Variants in ITGB4 observed in about 807,000 individuals in gnomAD.
ITGB4 encodes the protein integrin beta-4.
Under a neutral mutation model 207.6 loss-of-function variants are expected in ITGB4, and 159 were observed. The observed-to-expected ratio is 0.77, with a 90% CI of 0.67 to 0.87. ITGB4 has a LOEUF of 0.87. ITGB4 is among the 40% of genes least tolerant of loss of function. The pLI is 0.00. For synonymous variants in ITGB4, 1,020 were observed against 1,062.7 expected, an observed-to-expected ratio of 0.96 and a Z score of 0.78; for missense variants, 2,278 against 2,546.8, an observed-to-expected ratio of 0.89 and a Z score of 2.27.
intron 25 of ITGB4, 140 bp from the exon 26 acceptor site, chr17:75,743,573 G>A: frequency 8.8e-7 from 1 of 1,142,798 alleles, no homozygotes. Context: ...TCGCTCCTGT[G>A]CCCTTCCCAG....
At chr17:75,749,089 G>T in intron 27 of ITGB4, 44 bp downstream of exon 27, 1 of 1,504,600 alleles carries the variant, frequency 6.6e-7, no homozygotes, top group South Asian at 1.1e-5. Flanking sequence ...GGAGAGGGAA[G>T]ACTGGGGGGT....
intron 38 of ITGB4, 23 bp downstream of exon 38, chr17:75,757,130 AC>A: frequency 6.2e-7 from 1 of 1,609,250 alleles, no homozygotes; most frequent in Non-Finnish European, 8.5e-7. Context: ...CCTTTCCTTC[AC>A]CCCCACCCCT....
Position 75,753,993 on chromosome 17 carries a change from G to A in ITGB4, c.4318+19G>A. 2 of 1,103,344 alleles carry A rather than the reference G, an allele frequency of 1.8e-6. No homozygotes were observed. The highest frequency in any genetic ancestry group is 2.3e-6 in the Non-Finnish European group (2 of 865,886). 68.3% of individuals were successfully genotyped at this position (1,103,344 alleles called of 1,614,324 possible). ...CCCGGAGGTGACAGGCTCACCCGCC[G>A]CCCCCCGATCCGCGCCCACCCAGCC... On this transcript the variant is annotated intron_variant, in intron 33 of 39. Coordinates refer to ENST00000200181, the MANE Select transcript of ITGB4 (RefSeq NM_000213.5).
chr17:75,737,341 C>T lies in ITGB4; in HGVS notation c.2010C>T (p.Arg670=). The T allele has an allele frequency of 6.3e-7, 1 of 1,592,544 alleles. No individual in the cohort carries two copies. Among genetic ancestry groups the T allele is most frequent in the Non-Finnish European group, 8.5e-7 (1 of 1,170,046 alleles). ...ELKRAEEVVV[R]CSFRDEDDDC... The stretch of plus-strand genomic sequence containing the variant: ...GTACAGCCGAGGAGGTGGTGGTGCG[C>T]TGCTCCTTCCGGGACGAGGATGACG... Residue 670 remains arginine, a synonymous_variant, in exon 17 of 40, where the codon CGC becomes CGT. Coordinates refer to ENST00000200181, the MANE Select transcript of ITGB4 (RefSeq NM_000213.5).
intron 26 of ITGB4, 102 bp downstream of exon 26, chr17:75,743,963 T>G (rs1002080251): frequency 1.6e-5 from 21 of 1,317,768 alleles, no homozygotes; most frequent in Non-Finnish European, 2.2e-5. Flanking sequence ...CTTGAGTCCC[T>G]GGATACTGGC....
chr17:75,752,079 A>G (rs1236232191), intron 30 of ITGB4, 95 bp from the exon 31 acceptor site: 2 of 1,360,796 alleles, frequency 1.5e-6, no homozygotes, highest in Non-Finnish European at 2.1e-6. Context: ...CCTGGGTGCC[A>G]TCCAGGGGAT....
Position 75,732,230 on chromosome 17 carries a change from G to A in ITGB4, c.1445G>A (p.Ser482Asn). The change falls in exon 12 of 40, where the codon AGC (serine) becomes AAC (asparagine). Residue 482 changes from serine to asparagine, a missense_variant. By Grantham distance (46) the Ser-to-Asn change is conservative (BLOSUM62 1). Transcript: ENST00000200181. The surrounding 1 kb of genome is among the most constrained non-coding windows in gnomAD (Gnocchi z 5.3). ...TTCGTGTGCGGACAGTGTGTGTGCA[G>A]CGAGGGCTGGTGAGTGGGGAAGGGA... ...GDFVCGQCVC[S>N]EGWSGQTCNC... 6.2e-7 allele frequency: 1 copy of A among 1,614,018 alleles called. No homozygotes were observed. The highest frequency in any genetic ancestry group is 8.5e-7 in the Non-Finnish European group (1 of 1,180,012).
Position 75,742,144 on chromosome 17 carries a change from C to T in ITGB4, c.2634-197C>T, listed in dbSNP as rs1206200428. On this transcript the variant is annotated intron_variant, in intron 23 of 39. Transcript: ENST00000200181. This position sits in a 1 kb window ranked among gnomAD's most constrained non-coding sequence, Gnocchi z 5.9. ...GAGGAGGACGCTGAGGACAGGGAGG[C>T]GCCATGGCTGGGCTGAGGCTGCAGG... is the stretch of plus-strand genomic sequence containing the variant. 2.6e-5 allele frequency among the ~76,000 whole-genome samples: 4 copies of T among 152,332 alleles called. No homozygotes were observed. The highest frequency in any genetic ancestry group is 2.1e-4 in the South Asian group (1 of 4,828).
At chr17:75,756,276 A>G (rs983780147) in intron 35 of ITGB4, among the ~76,000 whole-genome samples, 153 bp from the exon 36 acceptor site, 2 of 152,100 alleles carry the variant, frequency 1.3e-5, no homozygotes, top group African/African-American at 4.8e-5. Context: ...CTGAACAACC[A>G]GCCATACCAT....
rs1278895406 is a variant in ITGB4, at chr17:75,732,338, C to G, written c.1454+99C>G. ...CTGGCCCTGGGTGCACCTTGTACAC[C>G]TGGCTGGGGGTGGGGCGGCAATCAA... On this transcript the variant is annotated intron_variant, in intron 12 of 39. Transcript: ENST00000200181. This position sits in a 1 kb window ranked among gnomAD's most constrained non-coding sequence, Gnocchi z 5.3. The G allele has an allele frequency of 1.7e-6, 2 of 1,190,812 alleles. No individual in the cohort carries two copies. The highest frequency in any genetic ancestry group is 1.5e-5 in the African/African-American group (1 of 66,890). 73.8% of individuals were successfully genotyped at this position (1,190,812 alleles called of 1,614,324 possible).
chr17:75,752,098 G>A (rs866623786), intron 30 of ITGB4, 76 bp from the exon 31 acceptor site: 132 of 1,495,644 alleles, frequency 8.8e-5, no homozygotes, highest in African/African-American at 5.1e-4. Flanking sequence ...ATGCACGGCC[G>A]TCCTGCTGTG....
intron 25 of ITGB4, 138 bp from the exon 26 acceptor site, chr17:75,743,575 C>A: frequency 8.5e-7 from 1 of 1,170,272 alleles, no homozygotes; most frequent in Non-Finnish European, 1.3e-6. Context: ...GCTCCTGTGC[C>A]CTTCCCAGAG....
In ITGB4 at chr17:75,752,485, G is replaced by A. The variant is rs2061391295; in HGVS notation, c.4016G>A (p.Ser1339Asn). The change falls in exon 32 of 40, where the codon AGC (serine) becomes AAC (asparagine). Residue 1339 changes from serine (S) to asparagine (N), a missense_variant. Coordinates refer to ENST00000200181, the MANE Select transcript of ITGB4 (RefSeq NM_000213.5). ...GACATCCCTATCGTGGACGCCCAGA[G>A]CGGGGAGGACTACGACAGCTTCCTT... The part of the protein sequence containing the change: ...IPDIPIVDAQ[S>N]GEDYDSFLMY... 17 of 1,613,676 alleles carry A rather than the reference G, an allele frequency of 1.1e-5. 1 individual carries two copies. The South Asian group carries it at 1.8e-4, about 17-fold the overall frequency.
chr17:75,739,286 C>A lies in ITGB4; in HGVS notation c.2221-386C>A, dbSNP rs1205631559. Among the ~76,000 whole-genome samples the A allele has an allele frequency of 1.3e-5, 2 of 150,918 alleles. No homozygotes were observed. The highest frequency in any genetic ancestry group is 3.9e-4 in the East Asian group (2 of 5,174). The stretch of plus-strand genomic sequence containing the variant: ...TTCCAGCCTGGGCAACAGAGCGAGA[C>A]CCTGTCTCAAAAAAAAAAAAAAGAA... On this transcript the variant is annotated intron_variant, in intron 18 of 39. Coordinates refer to ENST00000200181, the MANE Select transcript of ITGB4 (RefSeq NM_000213.5). This position sits in a 1 kb window ranked among gnomAD's most constrained non-coding sequence, Gnocchi z 5.4.
intron 8 of ITGB4, 42 bp from the exon 9 acceptor site, chr17:75,730,833 C>A: frequency 6.7e-7 from 1 of 1,501,018 alleles, no homozygotes; most frequent in South Asian, 1.1e-5. Context: ...TGTTCAGATT[C>A]ATGGAGATGC....
intron 32 of ITGB4, 50 bp downstream of exon 32, chr17:75,752,627 A>G: frequency 6.2e-7 from 1 of 1,609,666 alleles, no homozygotes; most frequent in Non-Finnish European, 8.5e-7. Context: ...TCTTGGGTAC[A>G]GAGTGAGTCC....
rs1599223968 is a variant in ITGB4, at chr17:75,729,213, T to A, written c.567-52T>A. 2 of 1,556,190 alleles carry A rather than the reference T, an allele frequency of 1.3e-6. No individual in the cohort carries two copies. The highest frequency in any genetic ancestry group is 1.4e-5 in the African/African-American group (1 of 72,568). On this transcript the variant is annotated intron_variant, in intron 6 of 39. Coordinates refer to ENST00000200181, the MANE Select transcript of ITGB4 (RefSeq NM_000213.5). The surrounding 1 kb of genome is among the most constrained non-coding windows in gnomAD (Gnocchi z 4.4). Reference sequence around the variant, plus strand: ...TTGAAACGAGCCAGGGGCACTGGGGTCTGCGGCGTCTTCCCCCTGTGACAC... The same window carrying A: ...TTGAAACGAGCCAGGGGCACTGGGGACTGCGGCGTCTTCCCCCTGTGACAC...
At position 75,730,524 on chromosome 17, in the gene ITGB4, C is replaced by T. The variant is rs755726992; in HGVS notation, c.1002+20C>T. On this transcript the variant is annotated intron_variant, in intron 8 of 39. Transcript: ENST00000200181. Reference sequence around the variant, plus strand: ...TACGAGGTGCGGGGCCCAGGTCCCACGGGTGGGAGGTGGTCAAGGTAGGGG... The same window carrying T: ...TACGAGGTGCGGGGCCCAGGTCCCATGGGTGGGAGGTGGTCAAGGTAGGGG... The T allele has an allele frequency of 3.1e-6, 5 of 1,613,132 alleles. No individual in the cohort carries two copies. Among genetic ancestry groups the T allele is most frequent in the Admixed American group, 1.7e-5 (1 of 60,012 alleles).
intron 8 of ITGB4, 46 bp from the exon 9 acceptor site, chr17:75,730,829 G>C: frequency 1.3e-6 from 2 of 1,490,788 alleles, no homozygotes; most frequent in Non-Finnish European, 1.9e-6. Context: ...GAGCTGTTCA[G>C]ATTCATGGAG....
Sources: gnomAD v4.1 joint callset for allele counts (sites outside exome capture counted in the v4.1 genomes callset) on GRCh38, gnomAD v4.1.1 for gene constraint, Gnocchi (gnomAD v3.1) non-coding constraint, MANE v1.5 for transcripts, NCBI Gene and HGNC (gene_info 2026-07-23, HGNC 2026-07-21) for gene names.